The following CHP1 variants were observed in gnomAD, a reference collection of about 807,000 sequenced individuals.
CHP1 encodes the protein calcineurin B homologous protein 1.
CHP1 carries 11 observed loss-of-function variants against 27.4 expected under a neutral mutation model. The ratio of observed to expected loss-of-function variants is 0.40; its 90% CI spans 0.25 to 0.67. CHP1 has a LOEUF of 0.67. CHP1 is among the 30% of genes least tolerant of loss of function. The pLI is 0.38. For missense variants in CHP1, 169 were observed against 251.3 expected (o/e 0.67, Z 2.22); for synonymous variants, 89 against 87.4 (o/e 1.02, Z -0.10).
At chr15:41,263,001 A>G in intron 4 of CHP1, 118 bp downstream of exon 4, 1 of 1,311,352 alleles carries the variant, frequency 7.6e-7, no homozygotes, top group Non-Finnish European at 1.0e-6. Context: ...AAGACCTCAG[A>G]CTCTGGAGCT....
At chr15:41,259,965 G>A (rs7178110) in intron 3 of CHP1, among the ~76,000 whole-genome samples, 2,165 of 152,296 alleles carry the variant, frequency 0.014, 59 homozygotes, top group African/African-American at 0.05. Context: ...CTTGACCTCA[G>A]GTGATCCGCC....
chr15:41,279,678 C>A lies in CHP1; in HGVS notation c.*289C>A. 2.9e-6 allele frequency: 1 copy of A among 341,656 alleles called. No homozygotes were observed. Among genetic ancestry groups the A allele is most frequent in the Non-Finnish European group, 5.3e-6 (1 of 187,008 alleles). 21.2% of individuals were successfully genotyped at this position (341,656 alleles called of 1,614,324 possible). ...GCTGAATGCCACACATCCATCCAGT[C>A]TGAGAAAGTGAGAGAGGCAATCATG... On this transcript the variant is annotated 3_prime_UTR_variant, in exon 7 of 7. Coordinates refer to ENST00000334660, the MANE Select transcript of CHP1 (RefSeq NM_007236.5).
At chr15:41,273,504 C>T (rs12902777) in intron 5 of CHP1, among the ~76,000 whole-genome samples, 10 of 152,044 alleles carry the variant, frequency 6.6e-5, no homozygotes, top group Non-Finnish European at 5.9e-5. Context: ...GACTCAGCCT[C>T]CAGTGTAGCT....
intron 5 of CHP1, among the ~76,000 whole-genome samples, chr15:41,273,957 ACTT>A (rs1338950075): frequency 6.6e-6 from 1 of 150,602 alleles, no homozygotes; most frequent in Non-Finnish European, 1.5e-5. Context: ...TCACTAATAA[ACTT>A]CTTTTTTTTT....
intron 5 of CHP1, among the ~76,000 whole-genome samples, chr15:41,275,808 C>T (rs1405976215): frequency 1.3e-5 from 2 of 151,806 alleles, no homozygotes; most frequent in African/African-American, 2.4e-5. Flanking sequence ...CTCTGCCTCC[C>T]GGGTTGAAGC....
chr15:41,274,791 T>G (rs1253048937), intron 5 of CHP1, among the ~76,000 whole-genome samples: 1 of 37,050 alleles, frequency 2.7e-5, no homozygotes, highest in African/African-American at 1.6e-4. Context: ...ATTGTCTTTG[T>G]TTTTTTTTTT....
At chr15:41,272,239 C>G (rs1029707090) in intron 5 of CHP1, 4 of 151,772 alleles carry the variant, frequency 2.6e-5, no homozygotes, top group African/African-American at 9.7e-5. Context: ...CTCAAGTGAT[C>G]CACCCACCTC....
At chr15:41,245,712 C>T (rs1308136945) in intron 2 of CHP1, among the ~76,000 whole-genome samples, 3 of 152,118 alleles carry the variant, frequency 2.0e-5, no homozygotes, top group Non-Finnish European at 2.9e-5. Flanking sequence ...TTTAATTTCT[C>T]TTGGACGTAT....
intron 1 of CHP1, among the ~76,000 whole-genome samples, chr15:41,240,753 C>CA (rs750044405): frequency 0.02 from 1,055 of 53,562 alleles, 9 homozygotes; most frequent in East Asian, 0.066. Context: ...AACTCTATCT[C>CA]AAAAAAAAAA....
At chr15:41,274,470 G>A (rs1019350754) in intron 5 of CHP1, among the ~76,000 whole-genome samples, 59 of 152,144 alleles carry the variant, frequency 3.9e-4, no homozygotes, top group African/African-American at 1.2e-3. Context: ...TCCCAGGCTG[G>A]CTTGAATGCT....
chr15:41,236,361 A>T (rs2047276815), intron 1 of CHP1, among the ~76,000 whole-genome samples: 1 of 152,120 alleles, frequency 6.6e-6, no homozygotes, highest in Non-Finnish European at 1.5e-5. Flanking sequence ...TTCTGGGCTC[A>T]AGCAATCCTC....
intron 5 of CHP1, among the ~76,000 whole-genome samples, chr15:41,274,738 G>A (rs1275756563): frequency 6.6e-6 from 1 of 151,792 alleles, no homozygotes; most frequent in Non-Finnish European, 1.5e-5. Flanking sequence ...GCAACACACA[G>A]GGAATGTGGC....
intron 5 of CHP1, chr15:41,272,343 T>C (rs1369931293): frequency 6.6e-6 from 1 of 152,114 alleles, no homozygotes; most frequent in Non-Finnish European, 1.5e-5. Context: ...ATATTATTTA[T>C]ACTTCAATAA....
At chr15:41,237,758 C>T (rs1294753665) in intron 1 of CHP1, among the ~76,000 whole-genome samples, 1 of 151,986 alleles carries the variant, frequency 6.6e-6, no homozygotes, top group Non-Finnish European at 1.5e-5. Flanking sequence ...GATGGAGTCT[C>T]GTTCTGTCAC....
At position 41,254,217 on chromosome 15, in the gene CHP1, G is replaced by A. The variant is rs192717070; in HGVS notation, c.141-2693G>A. Among the ~76,000 whole-genome samples the A allele has an allele frequency of 3.9e-3, 592 of 152,196 alleles. 4 individuals are homozygous for A. Among genetic ancestry groups the A allele is most frequent in the South Asian group, 0.022 (107 of 4,822 alleles). On this transcript the variant is annotated intron_variant, in intron 2 of 6. Coordinates refer to ENST00000334660, the MANE Select transcript of CHP1 (RefSeq NM_007236.5). Reference sequence around the variant, plus strand: ...GAAAGTATCAAAGGACAGGTCCATCGGAAGGCCAAGTGTACACCTCCTTAT... The same window carrying A: ...GAAAGTATCAAAGGACAGGTCCATCAGAAGGCCAAGTGTACACCTCCTTAT...
At chr15:41,261,471 A>G (rs750248047) in intron 3 of CHP1, among the ~76,000 whole-genome samples, 7 of 152,138 alleles carry the variant, frequency 4.6e-5, no homozygotes, top group African/African-American at 7.2e-5. Context: ...ATATATTTAT[A>G]TTAACTGTGG....
At chr15:41,240,753 CAAA>C (rs750044405) in intron 1 of CHP1, among the ~76,000 whole-genome samples, 5 of 54,148 alleles carry the variant, frequency 9.2e-5, no homozygotes, top group Admixed American at 2.0e-4. Flanking sequence ...AACTCTATCT[CAAA>C]AAAAAAAAAA....
At chr15:41,272,582 A>G (rs1026109430) in intron 5 of CHP1, among the ~76,000 whole-genome samples, 6 of 150,568 alleles carry the variant, frequency 4.0e-5, no homozygotes, top group Admixed American at 4.0e-4. Flanking sequence ...CACCATACCC[A>G]GCTAATTTTT....
chr15:41,249,852 T>C (rs1303102368), intron 2 of CHP1, among the ~76,000 whole-genome samples: 1 of 151,784 alleles, frequency 6.6e-6, no homozygotes, highest in Non-Finnish European at 1.5e-5. Context: ...TTTTTTTACT[T>C]TCCTCTTTCA....
Sources: allele counts gnomAD v4.1 joint callset (sites outside exome capture counted in the v4.1 genomes callset), GRCh38; gene constraint gnomAD v4.1.1; transcripts MANE v1.5; gene names NCBI Gene and HGNC (gene_info 2026-07-23, HGNC 2026-07-21).